Variants in PRR16 observed in about 807,000 individuals in gnomAD.
PRR16 encodes the protein protein Largen.
A neutral mutation model predicts 18.2 loss-of-function variants in PRR16; 6 were observed. The ratio of observed to expected loss-of-function variants is 0.33; its 90% CI spans 0.18 to 0.65. The LOEUF (loss-of-function observed/expected upper bound fraction) is 0.65. Among genes scored for constraint, PRR16 ranks in the 30% least tolerant of loss-of-function variants. The probability of loss-of-function intolerance (pLI) is 0.74; values close to 1 mark genes in which losing one functional copy is unlikely to be tolerated. For synonymous variants in PRR16, 151 were observed against 147.8 expected, an observed-to-expected ratio of 1.02 and a Z score of -0.16; for missense variants, 412 against 376.6, an observed-to-expected ratio of 1.09 and a Z score of -0.78.
intron 1 of PRR16, among the ~76,000 whole-genome samples, chr5:120,526,201 C>T (rs1025549605): frequency 7.2e-5 from 11 of 152,106 alleles, no homozygotes; most frequent in African/African-American, 2.2e-4. Flanking sequence ...ATCCTGTGGT[C>T]AGCTCCTTGT....
the PRR16 span, among the ~76,000 whole-genome samples, chr5:120,704,699 G>A: frequency 1.3e-5 from 2 of 152,028 alleles, no homozygotes; most frequent in African/African-American, 4.8e-5. Flanking sequence ...TTTACAGTGC[G>A]CTCAGACATC....
At chr5:120,637,649 A>G (rs1484120582) in intron 1 of PRR16, among the ~76,000 whole-genome samples, 7 of 144,428 alleles carry the variant, frequency 4.8e-5, no homozygotes, top group Non-Finnish European at 9.2e-5. Context: ...ATTTGGGGGG[A>G]AGGGTGAGGG....
At chr5:120,615,740 A>G (rs891590174) in intron 1 of PRR16, among the ~76,000 whole-genome samples, 2 of 152,056 alleles carry the variant, frequency 1.3e-5, no homozygotes, top group African/African-American at 4.8e-5. Context: ...AAATGTTATA[A>G]TTTAGTTATA....
At chr5:120,553,940 C>T (rs921319691) in intron 1 of PRR16, among the ~76,000 whole-genome samples, 9 of 151,896 alleles carry the variant, frequency 5.9e-5, no homozygotes, top group Admixed American at 1.3e-4. Flanking sequence ...TAACTGCCAA[C>T]ACCTTCTCTA....
intron 1 of PRR16, among the ~76,000 whole-genome samples, chr5:120,592,399 A>G (rs755653646): frequency 6.6e-6 from 1 of 152,188 alleles, no homozygotes; most frequent in Non-Finnish European, 1.5e-5. Context: ...AAGTTGCAAA[A>G]TGGTATATTC....
intron 1 of PRR16, among the ~76,000 whole-genome samples, chr5:120,636,091 A>G (rs1031645175): frequency 2.0e-5 from 3 of 152,180 alleles, no homozygotes; most frequent in Non-Finnish European, 4.4e-5. Context: ...GACTTCTACA[A>G]GGAAAACTAT....
chr5:120,701,668 T>C, the PRR16 span, among the ~76,000 whole-genome samples: 2 of 151,512 alleles, frequency 1.3e-5, no homozygotes, highest in African/African-American at 4.9e-5. Context: ...AAAGGAGAGG[T>C]CAGATGGGTC....
chr5:120,523,220 C>A (rs111568873), intron 1 of PRR16, among the ~76,000 whole-genome samples: 173 of 152,198 alleles, frequency 1.1e-3, no homozygotes, highest in African/African-American at 3.9e-3. Flanking sequence ...CATTTATTTG[C>A]GGTTCTGATC....
At chr5:120,754,809 T>A in the PRR16 span, among the ~76,000 whole-genome samples, 7 of 150,624 alleles carry the variant, frequency 4.6e-5, no homozygotes, top group East Asian at 1.4e-3. Context: ...ATTGGTAAAT[T>A]AAAAATTAAG....
chr5:120,713,758 A>G, the PRR16 span, among the ~76,000 whole-genome samples: 98 of 152,300 alleles, frequency 6.4e-4, no homozygotes, highest in Non-Finnish European at 7.3e-4. Flanking sequence ...TTTAAGGTTA[A>G]TAATTGTTAA....
At chr5:120,748,273 A>G in the PRR16 span, among the ~76,000 whole-genome samples, 522 of 152,198 alleles carry the variant, frequency 3.4e-3, 3 homozygotes, top group Middle Eastern at 0.014. Context: ...TAAATAGACA[A>G]GATTTGTTAA....
intron 1 of PRR16, among the ~76,000 whole-genome samples, chr5:120,514,570 C>T (rs1750927224): frequency 6.6e-6 from 1 of 152,176 alleles, no homozygotes; most frequent in Admixed American, 6.5e-5. Context: ...TTAGATATTT[C>T]TTCTGCCAGA....
At chr5:120,521,716 C>T (rs1751186947) in intron 1 of PRR16, among the ~76,000 whole-genome samples, 1 of 152,010 alleles carries the variant, frequency 6.6e-6, no homozygotes, top group African/African-American at 2.4e-5. Context: ...TATGTGTGCA[C>T]AACATGCAGG....
intron 1 of PRR16, among the ~76,000 whole-genome samples, chr5:120,504,203 T>A (rs1750566012): frequency 6.6e-6 from 1 of 152,162 alleles, no homozygotes; most frequent in African/African-American, 2.4e-5. Context: ...GTTCAGGCTC[T>A]TCACCCACTC....
the PRR16 span, among the ~76,000 whole-genome samples, chr5:120,762,414 A>G: frequency 1.3e-5 from 2 of 152,216 alleles, no homozygotes; most frequent in East Asian, 3.9e-4. Context: ...GGGTAAGATA[A>G]TATATTATTG....
chr5:120,536,856 G>A (rs1356245530), intron 1 of PRR16, among the ~76,000 whole-genome samples: 5 of 152,204 alleles, frequency 3.3e-5, no homozygotes, highest in African/African-American at 4.8e-5. Context: ...GGAATACTAT[G>A]CAACCATAAA....
intron 1 of PRR16, among the ~76,000 whole-genome samples, chr5:120,519,883 T>A (rs1465648754): frequency 2.6e-5 from 4 of 152,226 alleles, no homozygotes; most frequent in East Asian, 1.9e-4. Context: ...TTCTCATTTT[T>A]AAAAAACACT....
At chr5:120,739,820 A>T in the PRR16 span, among the ~76,000 whole-genome samples, 2 of 152,126 alleles carry the variant, frequency 1.3e-5, no homozygotes, top group African/African-American at 4.8e-5. Flanking sequence ...GCCTTCTAGA[A>T]ATTCTGCAAT....
At chr5:120,580,502 T>A (rs1384468770) in intron 1 of PRR16, among the ~76,000 whole-genome samples, 3 of 147,328 alleles carry the variant, frequency 2.0e-5, no homozygotes, top group Admixed American at 1.4e-4. Flanking sequence ...TCGCCCAGGC[T>A]GGAGTGCAGT....
Sources: gnomAD v4.1 joint callset for allele counts (sites outside exome capture counted in the v4.1 genomes callset) on GRCh38, gnomAD v4.1.1 for gene constraint, MANE v1.5 for transcripts, NCBI Gene and HGNC (gene_info 2026-07-23, HGNC 2026-07-21) for gene names.